The following ULK4 variants were observed in gnomAD, a reference collection of about 807,000 sequenced individuals.
The protein encoded by ULK4 is unc-51 like kinase 4, also known as inactive serine/threonine-protein kinase ULK4.
ULK4 carries 133 observed loss-of-function variants against 160.6 expected under a neutral mutation model. That is an observed-to-expected ratio of 0.83 (90% CI 0.72 to 0.96). The LOEUF (loss-of-function observed/expected upper bound fraction) is 0.96. Ranked by LOEUF, ULK4 falls within the 40% of genes least tolerant of loss-of-function variation. The pLI is 0.00. For synonymous variants in ULK4, 534 were observed against 539.8 expected (o/e 0.99, Z 0.15); for missense variants, 1,580 against 1,499.5 (o/e 1.05, Z -0.89).
intron 36 of ULK4, among the ~76,000 whole-genome samples, chr3:41,248,278 C>T (rs948412335): frequency 6.6e-6 from 1 of 152,118 alleles, no homozygotes; most frequent in Non-Finnish European, 1.5e-5. Context: ...GGCCAGGATC[C>T]GATGGCATGT....
At chr3:41,575,894 G>A (rs2088173468) in intron 31 of ULK4, among the ~76,000 whole-genome samples, 1 of 152,146 alleles carries the variant, frequency 6.6e-6, no homozygotes, top group Non-Finnish European at 1.5e-5. Context: ...TCTCAATGTG[G>A]CCCTATGCCT....
intron 34 of ULK4, among the ~76,000 whole-genome samples, chr3:41,431,042 C>A (rs542586868): frequency 6.6e-6 from 1 of 152,162 alleles, no homozygotes; most frequent in Non-Finnish European, 1.5e-5. Flanking sequence ...TACACGTTAT[C>A]GTACTACTGA....
At chr3:41,937,277 G>A in intron 3 of ULK4, 1 of 674,996 alleles carries the variant, frequency 1.5e-6, no homozygotes. Context: ...ACTAATTCCA[G>A]GACTGTGTCT....
chr3:41,929,054 G>A (rs1053670153), intron 5 of ULK4, among the ~76,000 whole-genome samples: 2 of 151,874 alleles, frequency 1.3e-5, no homozygotes, highest in African/African-American at 2.4e-5. Context: ...AAAATTTCAG[G>A]CCAATATCCC....
At chr3:41,371,721 A>G (rs145281737) in intron 35 of ULK4, among the ~76,000 whole-genome samples, 1 of 152,284 alleles carries the variant, frequency 6.6e-6, no homozygotes, top group East Asian at 1.9e-4. Flanking sequence ...AAAATTCCAA[A>G]AACCAGAATG....
At chr3:41,527,478 CATGGG>C (rs1479515556) in intron 32 of ULK4, among the ~76,000 whole-genome samples, 2 of 152,324 alleles carry the variant, frequency 1.3e-5, no homozygotes, top group Non-Finnish European at 2.9e-5. Flanking sequence ...TATCCTATCA[CATGGG>C]AGAAAACTGA....
At chr3:41,511,594 T>C (rs1048074931) in intron 32 of ULK4, among the ~76,000 whole-genome samples, 10 of 151,988 alleles carry the variant, frequency 6.6e-5, no homozygotes, top group Non-Finnish European at 1.5e-4. Flanking sequence ...ACCAGTAAGA[T>C]ATAGAAACTC....
chr3:41,280,410 T>C (rs1354329820), intron 35 of ULK4, among the ~76,000 whole-genome samples: 1 of 142,726 alleles, frequency 7.0e-6, no homozygotes, highest in Non-Finnish European at 1.5e-5. Flanking sequence ...TAATTGGAAG[T>C]AAAGCACTCC....
intron 35 of ULK4, among the ~76,000 whole-genome samples, chr3:41,320,949 G>C (rs1372493637): frequency 6.6e-6 from 1 of 151,944 alleles, no homozygotes; most frequent in Non-Finnish European, 1.5e-5. Context: ...AAATAAGCCA[G>C]GTAGGCTGCT....
chr3:41,533,398 T>C (rs779847112), intron 32 of ULK4, among the ~76,000 whole-genome samples: 7 of 152,224 alleles, frequency 4.6e-5, no homozygotes, highest in Non-Finnish European at 8.8e-5. Context: ...AGCCTCAATC[T>C]CAAATTATTT....
intron 35 of ULK4, among the ~76,000 whole-genome samples, chr3:41,280,857 C>A (rs571704087): frequency 8.5e-5 from 13 of 152,156 alleles, no homozygotes; most frequent in African/African-American, 2.9e-4. Context: ...CAAAAAAAAT[C>A]AATGAATCCA....
At chr3:41,310,047 G>T (rs1426048273) in intron 35 of ULK4, among the ~76,000 whole-genome samples, 2 of 152,162 alleles carry the variant, frequency 1.3e-5, no homozygotes, top group East Asian at 3.8e-4. Context: ...AAACCTTGAT[G>T]AACTTTAGTG....
chr3:41,486,232 C>T (rs1269760594), intron 32 of ULK4, among the ~76,000 whole-genome samples: 1 of 152,134 alleles, frequency 6.6e-6, no homozygotes. Context: ...TACTGCATCA[C>T]CTAGCCTTGC....
At chr3:41,827,017 G>A (rs140480108) in intron 18 of ULK4, among the ~76,000 whole-genome samples, 35,542 of 147,004 alleles carry the variant, frequency 0.24, 5,494 homozygotes, top group African/African-American at 0.43. Flanking sequence ...ACTGAAAACC[G>A]CTCCACTACA....
Position 41,663,612 on chromosome 3 carries a change from G to A in ULK4, c.3066C>T (p.Phe1022=). 6.2e-7 allele frequency: 1 copy of A among 1,613,512 alleles called. No individual in the cohort carries two copies. The highest frequency in any genetic ancestry group is 8.5e-7 in the Non-Finnish European group (1 of 1,179,486). Residue 1022 remains phenylalanine (F), a synonymous_variant, in exon 30 of 37, where the codon TTC becomes TTT. Coordinates refer to ENST00000301831, the MANE Select transcript of ULK4 (RefSeq NM_017886.4). ...LVAMTEHNPT[F]TRLVEESKLI... Reference sequence around the variant, plus strand: ...GAAATTTGAACTTCCAGTACCTTGTGAAAGTTGGGTTGTGTTCAGTCATCG... The same window carrying A: ...GAAATTTGAACTTCCAGTACCTTGTAAAAGTTGGGTTGTGTTCAGTCATCG...
At chr3:41,526,839 T>G (rs1425247205) in intron 32 of ULK4, among the ~76,000 whole-genome samples, 1 of 152,228 alleles carries the variant, frequency 6.6e-6, no homozygotes, top group Non-Finnish European at 1.5e-5. Context: ...GATGGAATTG[T>G]GTTTCTGTTG....
At chr3:41,939,737 C>A (rs1717019) in intron 2 of ULK4, among the ~76,000 whole-genome samples, 140,158 of 151,998 alleles carry the variant, frequency 0.92, 65,610 homozygotes, top group East Asian at 1. Context: ...ATGGCCTGTT[C>A]GGAACCAGGC....
chr3:41,950,110 A>T (rs1271379317), intron 2 of ULK4, among the ~76,000 whole-genome samples: 1 of 150,758 alleles, frequency 6.6e-6, no homozygotes, highest in Non-Finnish European at 1.5e-5. Flanking sequence ...TTTTTGAGAC[A>T]AGGTCTCAGT....
chr3:41,262,990 A>C (rs974527569), intron 35 of ULK4, among the ~76,000 whole-genome samples: 3 of 152,196 alleles, frequency 2.0e-5, no homozygotes. Context: ...GGTTGGCCCA[A>C]AGTAAGTTCT....
Sources: allele counts gnomAD v4.1 joint callset (sites outside exome capture counted in the v4.1 genomes callset), GRCh38; gene constraint gnomAD v4.1.1; transcripts MANE v1.5; gene names NCBI Gene and HGNC (gene_info 2026-07-23, HGNC 2026-07-21).